NTM: variants seen among roughly 807,000 people sequenced by gnomAD.
NTM encodes IgLON family member 2.
In NTM, 13 loss-of-function variants were observed where a neutral mutation model predicts 42.1. That is an observed-to-expected ratio of 0.31 (90% CI 0.20 to 0.49). The LOEUF is 0.49. Among genes scored for constraint, NTM ranks in the 20% least tolerant of loss-of-function variants. NTM has a pLI of 0.99. For synonymous variants in NTM, 187 were observed against 179.2 expected (o/e 1.04, Z -0.35); for missense variants, 373 against 452.8 (o/e 0.82, Z 1.60).
At chr11:131,698,859 T>G (rs1266183125) in intron 1 of NTM, among the ~76,000 whole-genome samples, 1 of 152,238 alleles carries the variant, frequency 6.6e-6, no homozygotes, top group Non-Finnish European at 1.5e-5. Context: ...GTCCTTTCCA[T>G]AAAGCGTACC....
chr11:131,492,752 G>T (rs1224700570), intron 1 of NTM, among the ~76,000 whole-genome samples: 1 of 152,156 alleles, frequency 6.6e-6, no homozygotes, highest in Non-Finnish European at 1.5e-5. Context: ...AGATGATGGG[G>T]GCTTTGAGTA....
intron 2 of NTM, among the ~76,000 whole-genome samples, chr11:131,997,243 A>G (rs1593531463): frequency 6.6e-6 from 1 of 152,076 alleles, no homozygotes; most frequent in Non-Finnish European, 1.5e-5. Context: ...CCCCTGGCCC[A>G]CCCAGCCTCT....
chr11:131,947,679 G>A (rs11222843), intron 2 of NTM, among the ~76,000 whole-genome samples: 15,485 of 152,092 alleles, frequency 0.1, 1,189 homozygotes, highest in East Asian at 0.45. Flanking sequence ...GCCCTCAGGG[G>A]CCTTGTTTCC....
chr11:132,322,120 C>A (rs1322491463), intron 7 of NTM, among the ~76,000 whole-genome samples: 4 of 151,872 alleles, frequency 2.6e-5, no homozygotes, highest in South Asian at 2.1e-4. Context: ...ACTGCATCAA[C>A]TAACGAGCAA....
At chr11:131,639,175 G>C (rs1432444535) in intron 1 of NTM, among the ~76,000 whole-genome samples, 1 of 152,224 alleles carries the variant, frequency 6.6e-6, no homozygotes, top group Admixed American at 6.5e-5. Context: ...GACAGTGGTA[G>C]TCACAGCAGT....
chr11:131,809,937 G>A (rs765303408), intron 1 of NTM, among the ~76,000 whole-genome samples: 7 of 152,156 alleles, frequency 4.6e-5, no homozygotes, highest in Non-Finnish European at 8.8e-5. Context: ...TAATGCATAC[G>A]TGAATACACA....
chr11:131,541,413 T>G (rs1157304726), intron 1 of NTM, among the ~76,000 whole-genome samples: 1 of 152,210 alleles, frequency 6.6e-6, no homozygotes, highest in Non-Finnish European at 1.5e-5. Context: ...TTTCCTGGGT[T>G]ACTTCTGGAA....
At chr11:131,670,101 C>T (rs2069848863) in intron 1 of NTM, among the ~76,000 whole-genome samples, 1 of 152,118 alleles carries the variant, frequency 6.6e-6, no homozygotes, top group African/African-American at 2.4e-5. Context: ...TTTTAATTGT[C>T]TCTGACTCCT....
chr11:131,564,843 TCACATGCACA>T (rs2056683972), intron 1 of NTM, among the ~76,000 whole-genome samples: 1 of 151,754 alleles, frequency 6.6e-6, no homozygotes. Context: ...AGACACATGC[TCACATGCACA>T]CACATACACA....
At chr11:132,224,269 G>A (rs891855197) in intron 4 of NTM, among the ~76,000 whole-genome samples, 4 of 152,090 alleles carry the variant, frequency 2.6e-5, no homozygotes, top group Non-Finnish European at 4.4e-5. Flanking sequence ...ATAAATGAAG[G>A]CAGTTCAGGG....
Position 132,218,507 on chromosome 11 carries a change from G to A in NTM, c.526+6360G>A, listed in dbSNP as rs531240003. On this transcript the variant is annotated intron_variant, in intron 4 of 8. Coordinates refer to ENST00000683400, the MANE Select transcript of NTM (RefSeq NM_001352005.2). ...TCTCTAGGAAAGAGGGACCTAGGGC[G>A]TAAGGCAAGACTTGAGATCTTAGTC... Among the ~76,000 whole-genome samples the A allele has an allele frequency of 1.2e-3, 181 of 152,314 alleles. 1 individual carries two copies. Among genetic ancestry groups the A allele is most frequent in the South Asian group, 2.3e-3 (11 of 4,830 alleles).
intron 1 of NTM, among the ~76,000 whole-genome samples, chr11:131,550,514 C>G (rs1226508092): frequency 6.6e-6 from 1 of 152,144 alleles, no homozygotes; most frequent in Non-Finnish European, 1.5e-5. Context: ...GCAGCACCTC[C>G]TTCTCTCTCT....
intron 2 of NTM, among the ~76,000 whole-genome samples, chr11:132,089,542 C>G (rs1286867512): frequency 6.6e-6 from 1 of 152,174 alleles, no homozygotes. Context: ...TGTTAATCAT[C>G]AGTCTCTTCA....
intron 2 of NTM, among the ~76,000 whole-genome samples, chr11:132,143,212 C>T (rs149523250): frequency 2.6e-5 from 4 of 152,170 alleles, no homozygotes; most frequent in Admixed American, 1.3e-4. Flanking sequence ...AGGAAACACA[C>T]GTCTAGGTTA....
At chr11:131,813,304 G>A (rs538611701) in intron 1 of NTM, among the ~76,000 whole-genome samples, 17 of 151,962 alleles carry the variant, frequency 1.1e-4, no homozygotes, top group Non-Finnish European at 1.8e-4. Context: ...TCATTCTTTC[G>A]CACCTTCAAA....
At chr11:131,794,475 G>A (rs539116664) in intron 1 of NTM, 21 of 985,004 alleles carry the variant, frequency 2.1e-5, no homozygotes, top group South Asian at 9.4e-5. Context: ...CTCCCCACCC[G>A]CCGTTTACTA....
chr11:132,314,440 T>A, intron 6 of NTM, 112 bp from the exon 7 acceptor site: 1 of 1,164,598 alleles, frequency 8.6e-7, no homozygotes. Flanking sequence ...ATGGTTATAA[T>A]GATGTCAGAA....
chr11:131,677,012 C>T (rs1565410405), intron 1 of NTM, among the ~76,000 whole-genome samples: 1 of 76,978 alleles, frequency 1.3e-5, no homozygotes, highest in Non-Finnish European at 3.5e-5. Flanking sequence ...TTGATGATGA[C>T]AGACTGATTG....
intron 1 of NTM, chr11:131,660,916 T>C: frequency 7.7e-7 from 1 of 1,296,858 alleles, no homozygotes; most frequent in Non-Finnish European, 1.0e-6. Context: ...TTCTCTTCTG[T>C]CTCTTTTTAT....
Sources: allele counts gnomAD v4.1 joint callset (sites outside exome capture counted in the v4.1 genomes callset), GRCh38; gene constraint gnomAD v4.1.1; transcripts MANE v1.5; gene names NCBI Gene and HGNC (gene_info 2026-07-23, HGNC 2026-07-21).